The following PFKFB3 variants were observed in gnomAD, a reference collection of about 807,000 sequenced individuals.
PFKFB3 encodes the protein 6-phosphofructo-2-kinase/fructose-2,6-bisphosphatase 3.
In PFKFB3, 33 loss-of-function variants were observed where a neutral mutation model predicts 68.0. The ratio of observed to expected loss-of-function variants is 0.49; its 90% CI spans 0.37 to 0.65. The LOEUF is 0.65. PFKFB3 is among the 30% of genes least tolerant of loss of function. PFKFB3 has a pLI of 0.00. For synonymous variants in PFKFB3, 315 were observed against 288.2 expected (o/e 1.09, Z -0.94); for missense variants, 586 against 712.2 (o/e 0.82, Z 2.02).
At chr10:6,171,747 A>G (rs1842318870) in intron 1 of PFKFB3, among the ~76,000 whole-genome samples, 1 of 152,248 alleles carries the variant, frequency 6.6e-6, no homozygotes, top group Non-Finnish European at 1.5e-5. Flanking sequence ...TGTTCGTGCA[A>G]TAGCACATGT....
chr10:6,226,834 C>A (rs11814534), intron 14 of PFKFB3, among the ~76,000 whole-genome samples: 11,198 of 152,270 alleles, frequency 0.074, 509 homozygotes, highest in East Asian at 0.11. Flanking sequence ...GCCTGTAATC[C>A]CAGCGCTTTG....
intron 1 of PFKFB3, among the ~76,000 whole-genome samples, chr10:6,151,851 G>A (rs1228318383): frequency 6.6e-6 from 1 of 152,132 alleles, no homozygotes; most frequent in Non-Finnish European, 1.5e-5. Context: ...CCACAGTGCT[G>A]TGGCTGTCGG....
chr10:6,182,674 C>T (rs1842752340), intron 1 of PFKFB3, among the ~76,000 whole-genome samples: 1 of 152,248 alleles, frequency 6.6e-6, no homozygotes, highest in Non-Finnish European at 1.5e-5. Context: ...TGTTCCCCTT[C>T]TAGGCTTGTG....
chr10:6,224,291 C>T (rs1027621985), intron 13 of PFKFB3, 78 bp downstream of exon 13: 11 of 1,444,434 alleles, frequency 7.6e-6, no homozygotes, highest in Admixed American at 5.1e-5. Flanking sequence ...CAGGAGGCCC[C>T]GGGGCCGCTT....
intron 1 of PFKFB3, among the ~76,000 whole-genome samples, chr10:6,211,791 T>C (rs1051874450): frequency 3.3e-5 from 5 of 152,234 alleles, no homozygotes; most frequent in African/African-American, 4.8e-5. Flanking sequence ...CCTCATCTGC[T>C]GATAGCCTGT....
intron 1 of PFKFB3, among the ~76,000 whole-genome samples, chr10:6,192,290 A>G (rs921459022): frequency 4.0e-5 from 6 of 150,930 alleles, no homozygotes; most frequent in Non-Finnish European, 5.9e-5. Flanking sequence ...GATCCAGCCC[A>G]GCCTGGAGGT....
intron 1 of PFKFB3, among the ~76,000 whole-genome samples, chr10:6,183,736 G>A (rs905599894): frequency 3.4e-5 from 5 of 148,572 alleles, no homozygotes; most frequent in African/African-American, 1.2e-4. Flanking sequence ...CACCCAGGCT[G>A]GAGTGCAGTG....
intron 14 of PFKFB3, chr10:6,231,727 C>A: frequency 3.3e-6 from 1 of 301,014 alleles, no homozygotes; most frequent in South Asian, 1.3e-4. Context: ...TGCCCCCTCC[C>A]AGTGGGCACC....
the PFKFB3 span, among the ~76,000 whole-genome samples, chr10:6,313,572 C>T: frequency 1.3e-5 from 2 of 152,178 alleles, no homozygotes; most frequent in East Asian, 3.9e-4. The surrounding 1 kb of genome is among the most constrained non-coding windows in gnomAD (Gnocchi z 4.2). Flanking sequence ...TCCATCTCGC[C>T]TAAATGATCG....
At chr10:6,274,083 C>G in the PFKFB3 span, among the ~76,000 whole-genome samples, 2 of 151,968 alleles carry the variant, frequency 1.3e-5, no homozygotes, top group African/African-American at 2.4e-5. Flanking sequence ...TACCTGTGGT[C>G]CCAGTTAGTT....
chr10:6,189,674 C>T (rs1390515585), intron 1 of PFKFB3, among the ~76,000 whole-genome samples: 1 of 151,896 alleles, frequency 6.6e-6, no homozygotes, highest in Non-Finnish European at 1.5e-5. Flanking sequence ...ACCACCAAGC[C>T]CAGCTAATTT....
In PFKFB3 at chr10:6,226,399, G is replaced by A. The variant is rs777544948; in HGVS notation, c.1515+34G>A. ...ACTCCCCTTTCCTTCCTGCCTGGGG[G>A]ACGCATGCCGGGCGTGATGCCACAG... On this transcript the variant is annotated intron_variant, in intron 14 of 14. Transcript: ENST00000379775. The A allele has an allele frequency of 5.1e-6, 8 of 1,568,290 alleles. No individual in the cohort carries two copies. In the South Asian group the frequency reaches 7.0e-5, roughly 14 times the overall value.
chr10:6,224,102 T>C, intron 12 of PFKFB3, 47 bp from the exon 13 acceptor site: 1 of 1,612,578 alleles, frequency 6.2e-7, no homozygotes, highest in African/African-American at 1.3e-5. Context: ...TAAGCGGTGC[T>C]GTCCCTTTAA....
the PFKFB3 span, among the ~76,000 whole-genome samples, chr10:6,291,798 T>C: frequency 7.3e-4 from 111 of 152,174 alleles, no homozygotes; most frequent in Non-Finnish European, 1.4e-3. Flanking sequence ...GCAGTAATTC[T>C]ATTTCAGCTT....
intron 14 of PFKFB3, among the ~76,000 whole-genome samples, chr10:6,245,303 G>A (rs1027859408): frequency 2.3e-4 from 35 of 151,826 alleles, no homozygotes; most frequent in African/African-American, 8.0e-4. Context: ...CACCATGTTG[G>A]CCAGACTGGT....
chr10:6,213,808 G>A, intron 2 of PFKFB3, 60 bp downstream of exon 2: 3 of 1,577,316 alleles, frequency 1.9e-6, no homozygotes, highest in Non-Finnish European at 1.7e-6. Context: ...TTCCATCTCA[G>A]TTGCTGGTTT....
chr10:6,194,321 G>A (rs1056871761), intron 1 of PFKFB3, among the ~76,000 whole-genome samples: 2 of 152,226 alleles, frequency 1.3e-5, no homozygotes, highest in Admixed American at 6.5e-5. Flanking sequence ...TGCTTCTTGA[G>A]TCCCTGATTA....
the PFKFB3 span, among the ~76,000 whole-genome samples, chr10:6,278,900 G>C: frequency 2.0e-5 from 3 of 152,152 alleles, no homozygotes; most frequent in Non-Finnish European, 2.9e-5. Context: ...GCCTGACTTT[G>C]TTACTTTCTC....
chr10:6,289,107 T>C, the PFKFB3 span, among the ~76,000 whole-genome samples: 136,027 of 143,920 alleles, frequency 0.95, 64,931 homozygotes, highest in East Asian at 1. Flanking sequence ...GATATTAGCC[T>C]TTTGTCAGAT....
Sources: gnomAD v4.1 joint callset for allele counts (sites outside exome capture counted in the v4.1 genomes callset) on GRCh38, gnomAD v4.1.1 for gene constraint, Gnocchi (gnomAD v3.1) non-coding constraint, MANE v1.5 for transcripts, NCBI Gene and HGNC (gene_info 2026-07-23, HGNC 2026-07-21) for gene names.